Variants in CCNI2 observed in about 807,000 individuals in gnomAD.
CCNI2 encodes the protein cyclin I family member 2, also known as cyclin-I2.
In CCNI2, 32 loss-of-function variants were observed where a neutral mutation model predicts 33.2. The ratio of observed to expected loss-of-function variants is 0.96; its 90% CI spans 0.73 to 1.30. CCNI2 has a LOEUF of 1.30. Among genes scored for constraint, CCNI2 ranks in the 50% most tolerant of loss-of-function variants. The pLI is 0.00. For missense variants in CCNI2, 452 were observed against 486.2 expected (o/e 0.93, Z 0.66); for synonymous variants, 231 against 219.9 (o/e 1.05, Z -0.45).
chr5:132,749,836 G>A (rs2009357), intron 3 of CCNI2, among the ~76,000 whole-genome samples: 11,560 of 152,182 alleles, frequency 0.076, 1,459 homozygotes, highest in African/African-American at 0.26. Context: ...TGTCAATGAA[G>A]CTGGTCCTTG....
chr5:132,755,975 C>T (rs952164645), downstream of CCNI2: 31 of 984,872 alleles, frequency 3.1e-5, no homozygotes, highest in Non-Finnish European at 3.6e-5. Context: ...ATCAGAAAAG[C>T]TACTGCCCAA....
rs747064228 is a variant in CCNI2 at position 132,747,774 on chromosome 5, C to T, written c.279C>T (p.Pro93=). The change falls in exon 1 of 6, where the codon CCC becomes CCT. Residue 93 remains proline (P), a synonymous_variant. Coordinates refer to ENST00000378731, the MANE Select transcript of CCNI2 (RefSeq NM_001039780.4). This position sits in a 1 kb window ranked among gnomAD's most constrained non-coding sequence, Gnocchi z 4.1. ...APAGKTADAV[P]AAAPEQAPRP... ...CCGGGAAAACCGCAGACGCGGTCCC[C>T]GCCGCCGCCCCAGAGCAAGCTCCGC... The T allele has an allele frequency of 6.8e-7, 1 of 1,468,240 alleles. No individual in the cohort carries two copies. Among genetic ancestry groups the T allele is most frequent in the Non-Finnish European group, 8.9e-7 (1 of 1,117,692 alleles). 91.0% of individuals were successfully genotyped at this position (1,468,240 alleles called of 1,614,324 possible).
chr5:132,752,043 A>C lies in CCNI2; in HGVS notation c.852A>C (p.Ala284=). The part of the protein sequence containing the change: ...LPQRNPSLHV[A]SLTRQLQHCM... ...AGAGGAATCCTTCCCTCCACGTCGC[A>C]TCCCTGACCAGGCAGCTGCAGCACT... Residue 284 remains alanine (A), a synonymous_variant, in exon 5 of 6, where the codon GCA becomes GCC. Transcript: ENST00000378731. 1 of 1,611,134 alleles carries C rather than the reference A, an allele frequency of 6.2e-7. No individual in the cohort carries two copies. Among genetic ancestry groups the C allele is most frequent in the South Asian group, 1.1e-5 (1 of 89,888 alleles).
Position 132,747,583 on chromosome 5 carries a change from C to A in CCNI2, c.88C>A (p.Leu30Met), listed in dbSNP as rs1358841098. ...CCCAGGCGGGCGTCCCGGCGCCGGT[C>A]TGGAGGAAACAGCCCTGGGCGTTCC... is the stretch of plus-strand genomic sequence containing the variant. ...QSPGGRPGAGLEETALGVPLP... is the reference protein window; with the variant it reads ...QSPGGRPGAGMEETALGVPLP... Residue 30 changes from leucine (L) to methionine (M), a missense_variant, in exon 1 of 6, where the codon CTG (leucine) becomes ATG (methionine). Coordinates refer to ENST00000378731, the MANE Select transcript of CCNI2 (RefSeq NM_001039780.4). This position sits in a 1 kb window ranked among gnomAD's most constrained non-coding sequence, Gnocchi z 4.1. The A allele has an allele frequency of 2.0e-6, 3 of 1,495,924 alleles. No homozygotes were observed. Among genetic ancestry groups the A allele is most frequent in the Non-Finnish European group, 2.7e-6 (3 of 1,129,000 alleles). 92.7% of individuals were successfully genotyped at this position (1,495,924 alleles called of 1,614,324 possible).
chr5:132,756,046 T>A, downstream of CCNI2: 1 of 984,396 alleles, frequency 1.0e-6, no homozygotes, highest in Non-Finnish European at 1.2e-6. Flanking sequence ...AAGTACAAAG[T>A]GAATGGAAAA....
At chr5:132,752,267 G>A (rs1754911262) in intron 5 of CCNI2, 71 bp downstream of exon 5, 1 of 1,482,166 alleles carries the variant, frequency 6.7e-7, no homozygotes, top group Non-Finnish European at 9.0e-7. Context: ...TGACCCCAAA[G>A]GGGTACCCTT....
Position 132,747,732 on chromosome 5 carries a change from G to T in CCNI2, c.237G>T (p.Arg79=), listed in dbSNP as rs1169614469. ...CCGCAGCAGTCCCCGTGCGGCCCCG[G>T]CGCGGTACGGCGCCAGCCGGGAAAA... ...AASAAVPVRP[R]RGTAPAGKTA... The change falls in exon 1 of 6, where the codon CGG becomes CGT. Residue 79 remains arginine (R), a synonymous_variant. Coordinates refer to ENST00000378731, the MANE Select transcript of CCNI2 (RefSeq NM_001039780.4). The surrounding 1 kb of genome is among the most constrained non-coding windows in gnomAD (Gnocchi z 4.1). 1 of 1,472,606 alleles carries T rather than the reference G, an allele frequency of 6.8e-7. No individual in the cohort carries two copies. The highest frequency in any genetic ancestry group is 2.4e-5 in the Admixed American group (1 of 41,006). 91.2% of individuals were successfully genotyped at this position (1,472,606 alleles called of 1,614,324 possible). A position where few individuals can be genotyped will look rare whatever the true frequency, so the allele number is the denominator to read the frequency against.
chr5:132,752,336 G>A (rs1306969311), intron 5 of CCNI2, 140 bp downstream of exon 5: 1 of 1,043,154 alleles, frequency 9.6e-7, no homozygotes, highest in Non-Finnish European at 1.4e-6. Flanking sequence ...TCTGCCCAAA[G>A]GCTAGGCTTT....
Position 132,747,808 on chromosome 5 carries a change from C to A in CCNI2, c.313C>A (p.Pro105Thr). ...CCCAGAGCAAGCTCCGCGGCCGGCTCCACAGTCCCGCAAGCCGCGCAACCT... is the reference window on the plus strand; with the variant it reads ...CCCAGAGCAAGCTCCGCGGCCGGCTACACAGTCCCGCAAGCCGCGCAACCT... ...AAPEQAPRPA[P>T]QSRKPRNLEG... Residue 105 changes from proline to threonine, a missense_variant, in exon 1 of 6, where the codon CCA (proline) becomes ACA (threonine). By Grantham distance (38) the Pro-to-Thr change is conservative (BLOSUM62 -1). Coordinates refer to ENST00000378731, the MANE Select transcript of CCNI2 (RefSeq NM_001039780.4). This position sits in a 1 kb window ranked among gnomAD's most constrained non-coding sequence, Gnocchi z 4.1. The A allele has an allele frequency of 6.8e-7, 1 of 1,481,266 alleles. No homozygotes were observed. Among genetic ancestry groups the A allele is most frequent in the Non-Finnish European group, 8.9e-7 (1 of 1,123,818 alleles). 91.8% of individuals were successfully genotyped at this position (1,481,266 alleles called of 1,614,324 possible).
rs1293717342 is a variant in CCNI2, at chr5:132,752,968, T to G, written c.1108T>G (p.Ter370GluextTer12). 4.3e-6 allele frequency: 7 copies of G among 1,613,270 alleles called. No individual in the cohort carries two copies. The highest frequency in any genetic ancestry group is 5.9e-6 in the Non-Finnish European group (7 of 1,179,346). ...CTDNFVSPAN[*>E] ...AGACAACTTTGTGTCACCTGCCAAC[T>G]AGCCCCTCTGCCTCCACCCCGGGGC... is the stretch of plus-strand genomic sequence containing the variant. Residue 370 changes from the stop codon to glutamate (E), a stop_lost, in exon 6 of 6, where the codon TAG becomes GAG. Transcript: ENST00000378731.
In CCNI2 at chr5:132,750,998, G is replaced by A. The variant is rs777269583; in HGVS notation, c.774+1G>A. ...GACGCCGCTGGACTTCTTGACTATA[G>A]TGAGTAAGGAGGTGTTTACAGAGTC... On this transcript the variant is annotated splice_donor_variant, in intron 4 of 5. Coordinates refer to ENST00000378731, the MANE Select transcript of CCNI2 (RefSeq NM_001039780.4). LOFTEE classifies it high-confidence loss of function. The A allele has an allele frequency of 1.5e-5, 24 of 1,613,238 alleles. No individual in the cohort carries two copies. In the South Asian group the frequency reaches 2.5e-4, roughly 17 times the overall value.
Position 132,747,818 on chromosome 5 carries a change from G to T in CCNI2, c.323G>T (p.Arg108Leu). Residue 108 changes from arginine to leucine, a missense_variant, in exon 1 of 6, where the codon CGC (arginine) becomes CTC (leucine). By Grantham distance (102) the Arg-to-Leu change is moderately radical. Transcript: ENST00000378731. The surrounding 1 kb of genome is among the most constrained non-coding windows in gnomAD (Gnocchi z 4.1). ...GCTCCGCGGCCGGCTCCACAGTCCC[G>T]CAAGCCGCGCAACCTGGAAGGCGAC... ...EQAPRPAPQS[R>L]KPRNLEGDLD... is the part of the protein sequence containing the mutation. The T allele has an allele frequency of 6.8e-7, 1 of 1,481,262 alleles. No homozygotes were observed. The highest frequency in any genetic ancestry group is 8.9e-7 in the Non-Finnish European group (1 of 1,123,696). 91.8% of individuals were successfully genotyped at this position (1,481,262 alleles called of 1,614,324 possible). A position where few individuals can be genotyped will look rare whatever the true frequency, so the allele number is the denominator to read the frequency against.
Position 132,753,079 on chromosome 5 carries a change from T to G in CCNI2, c.*109T>G. ...GAATCCTGTAAAAAGGGAAGGTGGC[T>G]CTGGAAGAGCAACTGAGAAAAAGTT... On this transcript the variant is annotated 3_prime_UTR_variant, in exon 6 of 6. Coordinates refer to ENST00000378731, the MANE Select transcript of CCNI2 (RefSeq NM_001039780.4). The G allele has an allele frequency of 2.3e-6, 2 of 873,894 alleles. No individual in the cohort carries two copies. 54.1% of individuals were successfully genotyped at this position (873,894 alleles called of 1,614,324 possible). A position where few individuals can be genotyped will look rare whatever the true frequency, so the allele number is the denominator to read the frequency against.
At chr5:132,751,777 T>A in intron 4 of CCNI2, 189 bp from the exon 5 acceptor site, 1 of 633,134 alleles carries the variant, frequency 1.6e-6, no homozygotes, top group Non-Finnish European at 2.6e-6. Flanking sequence ...GGTCCCGGAG[T>A]GGAAGCTCAG....
At chr5:132,749,058 C>T (rs1754696022) in intron 2 of CCNI2, among the ~76,000 whole-genome samples, 1 of 151,944 alleles carries the variant, frequency 6.6e-6, no homozygotes, top group South Asian at 2.1e-4. Context: ...GAGTTGGAGA[C>T]CATCCTGGCC....
chr5:132,750,672 T>TA lies in CCNI2; in HGVS notation c.634-183dup, dbSNP rs902234194. On this transcript the variant is annotated intron_variant, in intron 3 of 5. Coordinates refer to ENST00000378731, the MANE Select transcript of CCNI2 (RefSeq NM_001039780.4). The stretch of plus-strand genomic sequence containing the variant: ...GGGGGACCATGTGATGTTCACTACA[T>TA]AACTACCTGAGGATTTGACAGATAG... 1.4e-4 allele frequency: 85 copies of TA among 591,866 alleles called. No homozygotes were observed. In the African/African-American group the frequency reaches 1.5e-3, roughly 10 times the overall value. 36.7% of individuals were successfully genotyped at this position (591,866 alleles called of 1,614,324 possible). A position where few individuals can be genotyped will look rare whatever the true frequency, so the allele number is the denominator to read the frequency against.
In CCNI2 at chr5:132,747,859, C is replaced by T. The variant is rs1174935414; in HGVS notation, c.364C>T (p.Leu122=). 6.1e-6 allele frequency: 9 copies of T among 1,468,854 alleles called. No homozygotes were observed. Among genetic ancestry groups the T allele is most frequent in the African/African-American group, 1.5e-5 (1 of 68,078 alleles). The allele number at this position is 1,468,854 out of a possible 1,614,324, so 91.0% of individuals were successfully genotyped here. Residue 122 remains leucine, a synonymous_variant, in exon 1 of 6, where the codon CTG becomes TTG. Transcript: ENST00000378731. The surrounding 1 kb of genome is among the most constrained non-coding windows in gnomAD (Gnocchi z 4.1). ...NLEGDLDERR[L]LCHLQLAQDR... is the part of the protein sequence containing the mutation. ...GGAAGGCGACCTGGACGAGCGCCGG[C>T]TGCTCTGCCACTTGCAGCTGGCCCA...
At chr5:132,752,375 A>G (rs142243679) in intron 5 of CCNI2, among the ~76,000 whole-genome samples, 179 bp downstream of exon 5, 1 of 152,146 alleles carries the variant, frequency 6.6e-6, no homozygotes, top group Non-Finnish European at 1.5e-5. Context: ...TATGCACTTG[A>G]GATGGGACAT....
chr5:132,748,207 C>T, intron 1 of CCNI2, 140 bp from the exon 2 acceptor site: 1 of 1,229,438 alleles, frequency 8.1e-7, no homozygotes, highest in Non-Finnish European at 1.1e-6. Flanking sequence ...CCGGGGGGCG[C>T]TTACTCCCAG....
Sources: gnomAD v4.1 joint callset for allele counts (sites outside exome capture counted in the v4.1 genomes callset) on GRCh38, gnomAD v4.1.1 for gene constraint, Gnocchi (gnomAD v3.1) non-coding constraint, MANE v1.5 for transcripts, NCBI Gene and HGNC (gene_info 2026-07-23, HGNC 2026-07-21) for gene names.